Variants in UNC13C observed in about 807,000 individuals in gnomAD.
The protein encoded by UNC13C is unc-13 homolog C.
A neutral mutation model predicts 245.4 loss-of-function variants in UNC13C; 174 were observed. That is an observed-to-expected ratio of 0.71 (90% confidence interval 0.63 to 0.80). The LOEUF is 0.80. UNC13C is among the 30% of genes least tolerant of loss of function. The pLI is 0.00. For missense variants in UNC13C, 2,829 were observed against 2,602.9 expected (o/e 1.09, Z -1.89); for synonymous variants, 992 against 895.1 (o/e 1.11, Z -1.93).
chr15:54,086,737 C>CTTTTTTTTTTTTTTTTTTTT lies in UNC13C; in HGVS notation c.2984-56263_2984-56262insTTTTTTTTTTTTTTTTTTTT, dbSNP rs57209912. On this transcript the variant is annotated intron_variant, in intron 2 of 32. Coordinates refer to ENST00000260323, the MANE Select transcript of UNC13C (RefSeq NM_001080534.3). Reference sequence around the variant, plus strand: ...GTACTATGTGTTGCTTATTTTCTTTCTTTTTTTTTTTTTTTTTTGAGATGG... The same window carrying CTTTTTTTTTTTTTTTTTTTT: ...GTACTATGTGTTGCTTATTTTCTTTCTTTTTTTTTTTTTTTTTTTTTTTTTTTTTTTTTTTTTTGAGATGG... Among the ~76,000 whole-genome samples the CTTTTTTTTTTTTTTTTTTTT allele has an allele frequency of 2.1e-3, 195 of 92,024 alleles. 20 individuals are homozygous for CTTTTTTTTTTTTTTTTTTTT. The highest frequency in any genetic ancestry group is 0.01 in the Middle Eastern group (1 of 96). 60.4% of individuals were successfully genotyped at this position (92,024 alleles called of 152,430 possible).
chr15:54,530,846 G>A lies in UNC13C; in HGVS notation c.5547-2071G>A, dbSNP rs113537867. 1.3e-4 allele frequency among the ~76,000 whole-genome samples: 20 copies of A among 152,218 alleles called. No individual in the cohort carries two copies. In the East Asian group the frequency reaches 1.7e-3, roughly 13 times the overall value. ...AAATGAGATCAGTGAGATTGCCAGC[G>A]CCAGATTATGCTGGGCTTTCAGTCT... is the stretch of plus-strand genomic sequence containing the variant. On this transcript the variant is annotated intron_variant, in intron 25 of 32. Transcript: ENST00000260323.
intron 2 of UNC13C, among the ~76,000 whole-genome samples, chr15:54,043,521 C>CT (rs538695261): frequency 6.5e-4 from 99 of 152,222 alleles, no homozygotes; most frequent in African/African-American, 2.2e-3. Flanking sequence ...CAAGTTTGTG[C>CT]TTTTTTCCTC....
intron 4 of UNC13C, among the ~76,000 whole-genome samples, chr15:54,230,957 T>C (rs2035534356): frequency 6.6e-6 from 1 of 152,080 alleles, no homozygotes; most frequent in Non-Finnish European, 1.5e-5. Context: ...TAAAATAATA[T>C]CCATTTTGTC....
intron 18 of UNC13C, among the ~76,000 whole-genome samples, chr15:54,396,875 A>G (rs1426716569): frequency 1.3e-5 from 2 of 150,760 alleles, no homozygotes; most frequent in Non-Finnish European, 3.0e-5. Flanking sequence ...TAGGATGTTT[A>G]TCTTATTATT....
intron 19 of UNC13C, among the ~76,000 whole-genome samples, chr15:54,453,202 A>T (rs760539799): frequency 2.6e-5 from 4 of 152,108 alleles, no homozygotes; most frequent in Non-Finnish European, 5.9e-5. Context: ...GTAGGATTGG[A>T]GGGGTCCATG....
the UNC13C span, among the ~76,000 whole-genome samples, chr15:53,932,339 AAC>A: frequency 0.16 from 23,572 of 147,628 alleles, 2,229 homozygotes; most frequent in East Asian, 0.33. Flanking sequence ...CAACAACAAC[AAC>A]AAACAGTGCT....
chr15:54,527,338 GC>G (rs1433804897), intron 25 of UNC13C, among the ~76,000 whole-genome samples: 1 of 152,066 alleles, frequency 6.6e-6, no homozygotes, highest in African/African-American at 2.4e-5. Context: ...AAAGACTGTT[GC>G]CTTCAGTCAC....
intron 18 of UNC13C, among the ~76,000 whole-genome samples, chr15:54,404,613 A>G (rs2040257073): frequency 6.6e-6 from 1 of 152,140 alleles, no homozygotes; most frequent in African/African-American, 2.4e-5. Context: ...AGAAAACCTC[A>G]TGAATTCAGA....
intron 4 of UNC13C, among the ~76,000 whole-genome samples, chr15:54,158,464 C>T (rs1364174573): frequency 2.0e-5 from 3 of 151,892 alleles, no homozygotes; most frequent in African/African-American, 7.3e-5. Flanking sequence ...GGGCTACAGG[C>T]GCCCGCCACC....
chr15:54,552,524 T>A (rs1366951759), intron 28 of UNC13C, among the ~76,000 whole-genome samples: 1 of 7,828 alleles, frequency 1.3e-4, no homozygotes, highest in African/African-American at 6.8e-4. Flanking sequence ...ATATATTATA[T>A]ATAATAATAT....
intron 2 of UNC13C, among the ~76,000 whole-genome samples, chr15:54,019,012 A>G (rs926991521): frequency 1.3e-5 from 2 of 152,248 alleles, no homozygotes; most frequent in Admixed American, 6.5e-5. Flanking sequence ...CTGAGAACTC[A>G]GAAGAATAGA....
chr15:53,862,175 A>G, the UNC13C span, among the ~76,000 whole-genome samples: 1 of 152,052 alleles, frequency 6.6e-6, no homozygotes. Context: ...CCTTCTTGCT[A>G]TGTGCTCATT....
intron 4 of UNC13C, among the ~76,000 whole-genome samples, chr15:54,152,597 C>A (rs955337253): frequency 6.6e-6 from 1 of 152,030 alleles, no homozygotes; most frequent in Non-Finnish European, 1.5e-5. Context: ...CTGATACATC[C>A]TTTATGAAGG....
At chr15:54,608,103 G>T (rs2141283835) in intron 30 of UNC13C, among the ~76,000 whole-genome samples, 1 of 151,940 alleles carries the variant, frequency 6.6e-6, no homozygotes, top group South Asian at 2.1e-4. Flanking sequence ...TCAGAAAACT[G>T]AAATCATGTC....
At chr15:54,505,965 A>G (rs1363243931) in intron 22 of UNC13C, among the ~76,000 whole-genome samples, 3 of 152,158 alleles carry the variant, frequency 2.0e-5, no homozygotes, top group Non-Finnish European at 2.9e-5. Context: ...GCCATAGGGC[A>G]TACTTCAAGA....
chr15:54,362,827 T>C (rs2039266718), intron 17 of UNC13C, among the ~76,000 whole-genome samples: 1 of 151,990 alleles, frequency 6.6e-6, no homozygotes, highest in South Asian at 2.1e-4. Context: ...GTTCTACGAG[T>C]ACATAGGAGG....
downstream of UNC13C, chr15:54,633,223 C>G (rs72740051): frequency 6.6e-6 from 1 of 152,130 alleles, no homozygotes; most frequent in African/African-American, 2.4e-5. Context: ...AATCCATACA[C>G]CAATTTACAA....
intron 32 of UNC13C, among the ~76,000 whole-genome samples, chr15:54,624,573 T>C (rs1480732646): frequency 6.6e-6 from 1 of 152,162 alleles, no homozygotes; most frequent in East Asian, 1.9e-4. Context: ...GGTTTTCAAA[T>C]GAACAGATGA....
At chr15:54,237,966 A>AT (rs2035748762) in intron 7 of UNC13C, among the ~76,000 whole-genome samples, 1 of 151,108 alleles carries the variant, frequency 6.6e-6, no homozygotes, top group African/African-American at 2.4e-5. Flanking sequence ...AGTCCTACTG[A>AT]TTTTTTACAT....
Sources: gnomAD v4.1 joint callset for allele counts (sites outside exome capture counted in the v4.1 genomes callset) on GRCh38, gnomAD v4.1.1 for gene constraint, MANE v1.5 for transcripts, NCBI Gene and HGNC (gene_info 2026-07-23, HGNC 2026-07-21) for gene names.